Variants in PLEKHM3 observed in about 807,000 individuals in gnomAD.
PLEKHM3 encodes the protein pleckstrin homology domain-containing family M member 3.
In PLEKHM3, 45 loss-of-function variants were observed where a neutral mutation model predicts 81.8. That is an observed-to-expected ratio of 0.55 (90% confidence interval 0.43 to 0.71). PLEKHM3 has a LOEUF of 0.71. Ranked by LOEUF, PLEKHM3 falls within the 30% of genes least tolerant of loss-of-function variation. The probability of loss-of-function intolerance (pLI) is 0.00; values close to 1 mark genes in which losing one functional copy is unlikely to be tolerated. For synonymous variants in PLEKHM3, 352 were observed against 356.4 expected, an observed-to-expected ratio of 0.99 and a Z score of 0.14; for missense variants, 788 against 924.3, an observed-to-expected ratio of 0.85 and a Z score of 1.91.
intron 6 of PLEKHM3, among the ~76,000 whole-genome samples, chr2:207,862,805 A>G (rs1020544871): frequency 6.6e-6 from 1 of 152,240 alleles, no homozygotes; most frequent in Non-Finnish European, 1.5e-5. Context: ...GAAGCTATAC[A>G]TAATACCAGA....
intron 2 of PLEKHM3, among the ~76,000 whole-genome samples, chr2:207,994,215 A>G (rs1186328013): frequency 6.6e-6 from 1 of 152,204 alleles, no homozygotes; most frequent in African/African-American, 2.4e-5. Flanking sequence ...ATACTTTGTT[A>G]TAAGTGTGCG....
chr2:208,019,347 C>T (rs908251821), intron 1 of PLEKHM3, among the ~76,000 whole-genome samples: 2 of 152,074 alleles, frequency 1.3e-5, no homozygotes, highest in African/African-American at 4.8e-5. Flanking sequence ...GCTTTCTCAC[C>T]TATCCTGTTT....
At chr2:207,867,653 T>C (rs988946982) in intron 6 of PLEKHM3, among the ~76,000 whole-genome samples, 3 of 152,072 alleles carry the variant, frequency 2.0e-5, no homozygotes, top group African/African-American at 7.2e-5. Flanking sequence ...CACAAAATTA[T>C]ATAAATCATT....
chr2:207,841,203 A>T (rs2092349367), intron 7 of PLEKHM3, among the ~76,000 whole-genome samples: 1 of 151,352 alleles, frequency 6.6e-6, no homozygotes, highest in Non-Finnish European at 1.5e-5. Context: ...GCGGTGGCTC[A>T]CGCCTGTAAT....
At chr2:207,921,136 C>T (rs933727485) in intron 5 of PLEKHM3, among the ~76,000 whole-genome samples, 21 of 152,180 alleles carry the variant, frequency 1.4e-4, no homozygotes, top group African/African-American at 5.1e-4. Flanking sequence ...GCAAGTTCCG[C>T]CTCCTGGGTT....
Position 207,911,690 on chromosome 2 carries a change from A to C in PLEKHM3, c.1887-3113T>G, listed in dbSNP as rs562400005. On this transcript the variant is annotated intron_variant, in intron 5 of 7. Coordinates refer to ENST00000427836, the MANE Select transcript of PLEKHM3 (RefSeq NM_001080475.3). ...TGAAAGGTAAATGCTTAATAATGAA[A>C]TCCCTTAAATAAAGTAAAATGAAAG... is the stretch of plus-strand genomic sequence containing the variant. Among the ~76,000 whole-genome samples the C allele has an allele frequency of 8.5e-5, 13 of 152,330 alleles. No individual in the cohort carries two copies. The East Asian group carries it at 2.3e-3, about 27-fold the overall frequency.
chr2:207,878,003 T>C (rs1377897735), intron 6 of PLEKHM3, among the ~76,000 whole-genome samples: 1 of 152,120 alleles, frequency 6.6e-6, no homozygotes, highest in Non-Finnish European at 1.5e-5. Flanking sequence ...TGGCGTAATC[T>C]TGTCTTACCG....
At chr2:207,829,802 C>T (rs1035939330) in intron 7 of PLEKHM3, among the ~76,000 whole-genome samples, 4 of 152,048 alleles carry the variant, frequency 2.6e-5, no homozygotes, top group Non-Finnish European at 4.4e-5. Context: ...GGAACCAGTC[C>T]CGAGGGCTCA....
chr2:207,977,318 T>C lies in PLEKHM3; in HGVS notation c.879A>G (p.Pro293=), dbSNP rs1242114192. 1.9e-6 allele frequency: 3 copies of C among 1,614,184 alleles called. No homozygotes were observed. In the South Asian group the frequency reaches 3.3e-5, roughly 18 times the overall value. ...TCTGTCCCCAGTCCAAAGCCTCCCATGGTGACTCTGCCTTTAGCTGTAGCT... is the reference window on the plus strand; with the variant it reads ...TCTGTCCCCAGTCCAAAGCCTCCCACGGTGACTCTGCCTTTAGCTGTAGCT... ...NTQLQLKAES[P]WEALDWGQKL... Residue 293 remains proline (P), a synonymous_variant, in exon 3 of 8, where the codon CCA becomes CCG. Coordinates refer to ENST00000427836, the MANE Select transcript of PLEKHM3 (RefSeq NM_001080475.3).
chr2:207,944,621 T>C (rs2105965599), intron 4 of PLEKHM3, among the ~76,000 whole-genome samples: 1 of 152,270 alleles, frequency 6.6e-6, no homozygotes, highest in Non-Finnish European at 1.5e-5. Context: ...GATGCTGAAA[T>C]AAAAGAATCT....
chr2:207,947,778 C>G (rs1444516978), intron 3 of PLEKHM3, among the ~76,000 whole-genome samples: 1 of 152,170 alleles, frequency 6.6e-6, no homozygotes, highest in Non-Finnish European at 1.5e-5. Flanking sequence ...TGTTGTAACC[C>G]TTTCCATTAC....
chr2:207,903,986 A>G (rs1018191258), intron 6 of PLEKHM3, among the ~76,000 whole-genome samples: 1 of 152,216 alleles, frequency 6.6e-6, no homozygotes, highest in African/African-American at 2.4e-5. Context: ...TATTCTATTT[A>G]TCCTTCTCAA....
chr2:207,923,880 C>CACATATATATATAT (rs1319162543), intron 5 of PLEKHM3, among the ~76,000 whole-genome samples: 1 of 56,770 alleles, frequency 1.8e-5, no homozygotes, highest in Non-Finnish European at 3.2e-5. Flanking sequence ...CACACACACA[C>CACATATATATATAT]ATATATATAT....
intron 1 of PLEKHM3, among the ~76,000 whole-genome samples, chr2:208,007,839 A>G (rs553347440): frequency 1.3e-5 from 2 of 152,284 alleles, no homozygotes; most frequent in Admixed American, 6.5e-5. Context: ...GTGGATCACA[A>G]GGTCAGGAGA....
intron 7 of PLEKHM3, 95 bp from the exon 8 acceptor site, chr2:207,828,591 T>G: frequency 8.2e-7 from 1 of 1,221,506 alleles, no homozygotes; most frequent in South Asian, 1.4e-5. Flanking sequence ...GGTGGCACAA[T>G]CTACTGTTCT....
At chr2:207,953,124 A>T (rs1270898479) in intron 3 of PLEKHM3, among the ~76,000 whole-genome samples, 1 of 151,448 alleles carries the variant, frequency 6.6e-6, no homozygotes, top group African/African-American at 2.4e-5. Context: ...GGAAATCCGG[A>T]AAAAATCAAT....
intron 6 of PLEKHM3, among the ~76,000 whole-genome samples, chr2:207,880,927 C>G (rs1292296496): frequency 6.7e-6 from 1 of 150,280 alleles, no homozygotes; most frequent in Admixed American, 6.6e-5. Flanking sequence ...TGGTTATGCT[C>G]CAGTGATATG....
intron 7 of PLEKHM3, among the ~76,000 whole-genome samples, chr2:207,857,943 T>G (rs2092444609): frequency 6.6e-6 from 1 of 151,698 alleles, no homozygotes; most frequent in Non-Finnish European, 1.5e-5. Flanking sequence ...AGCTTTCTTC[T>G]TTTCTGATAC....
chr2:208,011,063 TC>T (rs1395622672), intron 1 of PLEKHM3, among the ~76,000 whole-genome samples: 3 of 82,448 alleles, frequency 3.6e-5, no homozygotes, highest in African/African-American at 1.5e-4. Context: ...ATGGCCATAA[TC>T]AAAAAAAAAA....
Sources: allele counts gnomAD v4.1 joint callset (sites outside exome capture counted in the v4.1 genomes callset), GRCh38; gene constraint gnomAD v4.1.1; transcripts MANE v1.5; gene names NCBI Gene and HGNC (gene_info 2026-07-23, HGNC 2026-07-21).